NCKAP5: variants seen among roughly 807,000 people sequenced by gnomAD.
NCKAP5 encodes the protein NCK associated protein 5, also known as nck-associated protein 5.
In NCKAP5, 92 loss-of-function variants were observed where a neutral mutation model predicts 167.0. The ratio of observed to expected loss-of-function variants is 0.55; its 90% CI spans 0.47 to 0.66. The LOEUF is 0.66. Ranked by LOEUF, NCKAP5 falls within the 30% of genes least tolerant of loss-of-function variation. The pLI, the probability that NCKAP5 is intolerant of heterozygous loss-of-function variation, is 0.00. For missense variants in NCKAP5, 2,378 were observed against 2,315.0 expected (o/e 1.03, Z -0.56); for synonymous variants, 891 against 877.4 (o/e 1.02, Z -0.27).
chr2:133,516,337 T>C (rs1486406473), intron 3 of NCKAP5, among the ~76,000 whole-genome samples: 1 of 151,834 alleles, frequency 6.6e-6, no homozygotes, highest in Non-Finnish European at 1.5e-5. Context: ...TAGCAAGACG[T>C]AGGAGGTGAG....
chr2:132,935,799 T>C (rs547823921), intron 8 of NCKAP5, among the ~76,000 whole-genome samples: 69 of 152,054 alleles, frequency 4.5e-4, no homozygotes, highest in Middle Eastern at 3.4e-3. Context: ...AGAGGATGAG[T>C]TCAAAGGCCA....
chr2:133,307,959 G>T (rs1328589774), intron 3 of NCKAP5, among the ~76,000 whole-genome samples: 1 of 151,678 alleles, frequency 6.6e-6, no homozygotes, highest in Non-Finnish European at 1.5e-5. Flanking sequence ...GAGAAAAAGT[G>T]GAATATACAT....
At chr2:132,769,103 CCTGA>C (rs1319279669) in intron 16 of NCKAP5, among the ~76,000 whole-genome samples, 1 of 151,868 alleles carries the variant, frequency 6.6e-6, no homozygotes, top group Non-Finnish European at 1.5e-5. Flanking sequence ...TGCCACCATG[CCTGA>C]CTAATTTTTT....
intron 3 of NCKAP5, among the ~76,000 whole-genome samples, chr2:133,362,835 G>C (rs1685203988): frequency 6.6e-6 from 1 of 152,036 alleles, no homozygotes; most frequent in South Asian, 2.1e-4. Context: ...CTCACTGCAA[G>C]CTCTGTCTCC....
chr2:132,782,139 G>T lies in NCKAP5; in HGVS notation c.4672C>A (p.Pro1558Thr), dbSNP rs376601029. ...TTTTCTGTCTCACACTGTAGTTCAGGCTTCTTTTTCTCTTTTTTTCTTTCT... is the reference window on the plus strand; with the variant it reads ...TTTTCTGTCTCACACTGTAGTTCAGTCTTCTTTTTCTCTTTTTTTCTTTCT... The part of the protein sequence containing the change: ...KSERKKEKKK[P>T]ELQCETENEL... Residue 1558 changes from proline (P) to threonine (T), a missense_variant, in exon 14 of 20, where the codon CCT becomes ACT. Physicochemically the swap from Pro to Thr is conservative, Grantham distance 38. Around this residue, in one of 3 missense-constraint regions of NCKAP5, gnomAD observed 1,325 missense variants for 1,274.5 expected, o/e 1.04. Transcript: ENST00000409261. 6.8e-6 allele frequency: 11 copies of T among 1,610,892 alleles called. No individual in the cohort carries two copies. The highest frequency in any genetic ancestry group is 1.3e-5 in the African/African-American group (1 of 74,624).
chr2:133,283,216 A>G (rs1309595449), intron 4 of NCKAP5, among the ~76,000 whole-genome samples: 1 of 152,194 alleles, frequency 6.6e-6, no homozygotes, highest in Non-Finnish European at 1.5e-5. Context: ...TACAATGAAT[A>G]AGATAACATA....
At chr2:132,953,714 T>A (rs558543841) in intron 8 of NCKAP5, among the ~76,000 whole-genome samples, 12 of 150,628 alleles carry the variant, frequency 8.0e-5, no homozygotes, top group African/African-American at 1.7e-4. Flanking sequence ...AAAAAAAAAA[T>A]AAGCAGTAAC....
At chr2:132,719,256 T>A (rs1449793692) in intron 19 of NCKAP5, among the ~76,000 whole-genome samples, 3 of 151,408 alleles carry the variant, frequency 2.0e-5, no homozygotes, top group South Asian at 2.1e-4. Flanking sequence ...TGATTGGATT[T>A]AAAAAAAAAA....
intron 3 of NCKAP5, among the ~76,000 whole-genome samples, chr2:133,375,551 A>G (rs1574829505): frequency 6.6e-6 from 1 of 152,176 alleles, no homozygotes; most frequent in Admixed American, 6.5e-5. Flanking sequence ...GGTATTAAGC[A>G]TAGTATCCAT....
At position 133,199,858 on chromosome 2, in the gene NCKAP5, A is replaced by C. The variant is rs538640400; in HGVS notation, c.207+13858T>G. 1.6e-3 allele frequency among the ~76,000 whole-genome samples: 239 copies of C among 152,160 alleles called. 2 individuals are homozygous for C. The highest frequency in any genetic ancestry group is 5.2e-3 in the African/African-American group (215 of 41,570). On this transcript the variant is annotated intron_variant, in intron 5 of 19. Transcript: ENST00000409261. ...ATATTTATACAATGAACTACTAATC[A>C]GCAACTAAAGGAAGGAACTACTTAC...
At chr2:132,943,995 T>C (rs527282576) in intron 8 of NCKAP5, among the ~76,000 whole-genome samples, 1 of 152,312 alleles carries the variant, frequency 6.6e-6, no homozygotes, top group African/African-American at 2.4e-5. Flanking sequence ...GCTCTGCTCT[T>C]CACTGCTCAG....
chr2:133,226,176 A>T (rs1440738471), intron 4 of NCKAP5, among the ~76,000 whole-genome samples: 2 of 152,114 alleles, frequency 1.3e-5, no homozygotes, highest in South Asian at 4.1e-4. Context: ...CCTGGGCTCA[A>T]GTGATCCTCC....
At chr2:133,582,299 C>T in the NCKAP5 span, among the ~76,000 whole-genome samples, 1 of 152,336 alleles carries the variant, frequency 6.6e-6, no homozygotes, top group East Asian at 1.9e-4. Context: ...CATTGTTCCA[C>T]AAGTGCCCCA....
chr2:133,524,032 T>C (rs1194732000), intron 2 of NCKAP5, among the ~76,000 whole-genome samples: 1 of 152,142 alleles, frequency 6.6e-6, no homozygotes, highest in African/African-American at 2.4e-5. Flanking sequence ...TTAAGAGCAG[T>C]GGCTGTCAAG....
At chr2:132,690,746 A>G (rs918285420) in intron 19 of NCKAP5, among the ~76,000 whole-genome samples, 2 of 152,148 alleles carry the variant, frequency 1.3e-5, no homozygotes, top group African/African-American at 4.8e-5. Flanking sequence ...GGGAAGCAAT[A>G]GCAGAAGGCA....
At chr2:133,429,574 T>A (rs1690028253) in intron 3 of NCKAP5, among the ~76,000 whole-genome samples, 1 of 152,130 alleles carries the variant, frequency 6.6e-6, no homozygotes, top group South Asian at 2.1e-4. Context: ...GCACTATTTG[T>A]TTTCTTTTTC....
At chr2:133,612,455 A>G in the NCKAP5 span, among the ~76,000 whole-genome samples, 18 of 152,206 alleles carry the variant, frequency 1.2e-4, no homozygotes, top group Non-Finnish European at 1.3e-4. Context: ...TTACTAGAGC[A>G]CTTTAAAGCA....
At chr2:133,299,010 T>C (rs535399808) in intron 4 of NCKAP5, among the ~76,000 whole-genome samples, 28 of 151,992 alleles carry the variant, frequency 1.8e-4, no homozygotes, top group Non-Finnish European at 3.5e-4. Context: ...ACATGTACCC[T>C]AGAACTTAAA....
At chr2:133,630,033 G>A in the NCKAP5 span, among the ~76,000 whole-genome samples, 28 of 152,174 alleles carry the variant, frequency 1.8e-4, no homozygotes, top group South Asian at 2.5e-3. Context: ...TAATGCATGT[G>A]GGGGTTAATA....
Sources: allele counts gnomAD v4.1 joint callset (sites outside exome capture counted in the v4.1 genomes callset), GRCh38; gene constraint gnomAD v4.1.1; regional missense constraint gnomAD v4.1.1; transcripts MANE v1.5; gene names NCBI Gene and HGNC (gene_info 2026-07-23, HGNC 2026-07-21).